Variants in TACR1 observed in about 807,000 individuals in gnomAD.
TACR1 encodes substance-P receptor.
Under a neutral mutation model 35.8 loss-of-function variants are expected in TACR1, and 25 were observed. The ratio of observed to expected loss-of-function variants is 0.70; its 90% CI spans 0.51 to 0.98. The LOEUF is 0.98. Ranked by LOEUF, TACR1 falls within the 50% of genes least tolerant of loss-of-function variation. The probability of loss-of-function intolerance (pLI) is 0.00; values close to 1 mark genes in which losing one functional copy is unlikely to be tolerated. For synonymous variants in TACR1, 195 were observed against 206.7 expected (o/e 0.94, Z 0.48); for missense variants, 478 against 522.9 (o/e 0.91, Z 0.84).
At chr2:75,193,088 C>T (rs1675889600) in intron 1 of TACR1, among the ~76,000 whole-genome samples, 1 of 152,070 alleles carries the variant, frequency 6.6e-6, no homozygotes, top group Non-Finnish European at 1.5e-5. Context: ...ATCCTCTCTC[C>T]CCTACTGCCC....
chr2:75,128,848 C>G (rs1674128101), intron 1 of TACR1, among the ~76,000 whole-genome samples: 1 of 152,114 alleles, frequency 6.6e-6, no homozygotes, highest in Non-Finnish European at 1.5e-5. Context: ...ATTTGGGACT[C>G]CACCCCTGAG....
Position 75,094,952 on chromosome 2 carries a change from A to G in TACR1, c.584+25622T>C, listed in dbSNP as rs530174166. On this transcript the variant is annotated intron_variant, in intron 2 of 4. Coordinates refer to ENST00000305249, the MANE Select transcript of TACR1 (RefSeq NM_001058.4). ...CAATGATGAGGAATTCACTCACAGCAGTAGCCTTTAGGATAGAGAAGCTAC... is the reference window on the plus strand; with the variant it reads ...CAATGATGAGGAATTCACTCACAGCGGTAGCCTTTAGGATAGAGAAGCTAC... Among the ~76,000 whole-genome samples, 11 of 151,280 alleles carry G rather than the reference A, an allele frequency of 7.3e-5. No individual in the cohort carries two copies. The East Asian group carries it at 1.9e-3, about 27-fold the overall frequency.
At chr2:75,171,044 A>T (rs567002588) in intron 1 of TACR1, among the ~76,000 whole-genome samples, 5 of 152,206 alleles carry the variant, frequency 3.3e-5, no homozygotes, top group African/African-American at 1.2e-4. Context: ...GCCAAATGTT[A>T]ATCTCCAGGA....
At chr2:75,061,713 C>T (rs895685340) in intron 2 of TACR1, among the ~76,000 whole-genome samples, 7 of 152,170 alleles carry the variant, frequency 4.6e-5, no homozygotes, top group African/African-American at 9.7e-5. Context: ...GATGCTCAAG[C>T]GCATGCACTT....
rs139892326 is a variant in TACR1, at chr2:75,192,974, A to C, written c.389+5572T>G. Among the ~76,000 whole-genome samples the C allele has an allele frequency of 1.9e-3, 296 of 152,030 alleles. 1 individual carries two copies. Among genetic ancestry groups the C allele is most frequent in the African/African-American group, 6.8e-3 (281 of 41,490 alleles). ...AATTAAAACACAAAACTCCACATTC[A>C]TTTCCCTGTGCCTTGCTGCCTCTCT... On this transcript the variant is annotated intron_variant, in intron 1 of 4. Transcript: ENST00000305249.
At chr2:75,076,574 G>T (rs1022742110) in intron 2 of TACR1, among the ~76,000 whole-genome samples, 2 of 152,170 alleles carry the variant, frequency 1.3e-5, no homozygotes, top group Non-Finnish European at 2.9e-5. Flanking sequence ...GGGGCCATCT[G>T]TGAAAGCTTG....
At chr2:75,071,918 A>G (rs904827021) in intron 2 of TACR1, among the ~76,000 whole-genome samples, 1 of 152,206 alleles carries the variant, frequency 6.6e-6, no homozygotes, top group Non-Finnish European at 1.5e-5. Flanking sequence ...GTCACTCATG[A>G]GCAATTTCAG....
intron 2 of TACR1, among the ~76,000 whole-genome samples, chr2:75,065,030 T>C (rs975158255): frequency 2.6e-5 from 4 of 152,226 alleles, no homozygotes; most frequent in Non-Finnish European, 4.4e-5. Context: ...CCTGGCAAGA[T>C]GATATCAGTC....
intron 1 of TACR1, among the ~76,000 whole-genome samples, chr2:75,196,825 A>AAAGC (rs1196320368): frequency 1.3e-5 from 2 of 152,216 alleles, no homozygotes; most frequent in African/African-American, 2.4e-5. Flanking sequence ...CAGTGCAGAA[A>AAAGC]AAGCAAACAA....
intron 1 of TACR1, among the ~76,000 whole-genome samples, chr2:75,195,796 A>G (rs1675956147): frequency 6.6e-6 from 1 of 152,234 alleles, no homozygotes; most frequent in South Asian, 2.1e-4. Context: ...TAATAATAGC[A>G]TATTCACATA....
chr2:75,166,925 T>C (rs1558578099), intron 1 of TACR1, among the ~76,000 whole-genome samples: 1 of 152,206 alleles, frequency 6.6e-6, no homozygotes, highest in Non-Finnish European at 1.5e-5. Context: ...TAAAATGTGC[T>C]TTTTGCTTAT....
chr2:75,094,860 T>TA (rs1491102755), intron 2 of TACR1, among the ~76,000 whole-genome samples: 1,887 of 49,964 alleles, frequency 0.038, 32 homozygotes, highest in African/African-American at 0.096. Flanking sequence ...TATATATATA[T>TA]TTTTTTTTTT....
At chr2:75,099,028 CAGATGCCACCCCTCTG>C (rs1673480119) in intron 2 of TACR1, among the ~76,000 whole-genome samples, 1 of 151,898 alleles carries the variant, frequency 6.6e-6, no homozygotes, top group Non-Finnish European at 1.5e-5. Context: ...TGTGTCCTGT[CAGATGCCACCCCTCTG>C]AGGAGCACAT....
intron 1 of TACR1, among the ~76,000 whole-genome samples, chr2:75,165,773 G>A (rs1675128217): frequency 6.6e-6 from 1 of 152,080 alleles, no homozygotes; most frequent in African/African-American, 2.4e-5. Flanking sequence ...TGCTCTTTTT[G>A]TCCTCCACTT....
intron 2 of TACR1, among the ~76,000 whole-genome samples, chr2:75,094,859 A>ATATATATTTTTTTTTTTTTTT: frequency 8.8e-6 from 1 of 113,134 alleles, no homozygotes; most frequent in African/African-American, 4.8e-5. Flanking sequence ...ATATATATAT[A>ATATATATTTTTTTTTTTTTTT]TTTTTTTTTT....
At chr2:75,133,366 T>G (rs1389057907) in intron 1 of TACR1, among the ~76,000 whole-genome samples, 1 of 152,218 alleles carries the variant, frequency 6.6e-6, no homozygotes, top group African/African-American at 2.4e-5. Flanking sequence ...AAGTAAAAAT[T>G]TAAAGAATAC....
At chr2:75,061,166 C>A (rs764142156) in intron 2 of TACR1, among the ~76,000 whole-genome samples, 2 of 134,144 alleles carry the variant, frequency 1.5e-5, no homozygotes, top group African/African-American at 2.8e-5. Flanking sequence ...CCACATCTTG[C>A]GGTTGGGGGC....
chr2:75,165,001 G>C (rs189722967), intron 1 of TACR1, among the ~76,000 whole-genome samples: 22 of 152,316 alleles, frequency 1.4e-4, no homozygotes, highest in African/African-American at 4.6e-4. Context: ...TATTGTAGAG[G>C]ATGTGTGGAG....
At chr2:75,053,080 T>C (rs727156) in intron 3 of TACR1, among the ~76,000 whole-genome samples, 32,075 of 151,906 alleles carry the variant, frequency 0.21, 3,948 homozygotes, top group African/African-American at 0.32. Context: ...ATTTATGAAA[T>C]TTCATCACAG....
Sources: gnomAD v4.1 joint callset for allele counts (sites outside exome capture counted in the v4.1 genomes callset) on GRCh38, gnomAD v4.1.1 for gene constraint, MANE v1.5 for transcripts, NCBI Gene and HGNC (gene_info 2026-07-23, HGNC 2026-07-21) for gene names.